Variants in REV1 observed in about 807,000 individuals in gnomAD.
REV1 encodes translesion synthesis protein REV1.
REV1 carries 42 observed loss-of-function variants against 137.4 expected under a neutral mutation model. That is an observed-to-expected ratio of 0.31 (90% CI 0.24 to 0.40). REV1 has a LOEUF of 0.40. Among genes scored for constraint, REV1 ranks in the 10% least tolerant of loss-of-function variants. REV1 has a pLI of 1.00. For synonymous variants in REV1, 524 were observed against 519.2 expected (o/e 1.01, Z -0.12); for missense variants, 1,282 against 1,490.1 (o/e 0.86, Z 2.30).
intron 1 of REV1, among the ~76,000 whole-genome samples, chr2:99,467,585 G>A (rs1002906371): frequency 6.6e-6 from 1 of 152,176 alleles, no homozygotes; most frequent in Non-Finnish European, 1.5e-5. Flanking sequence ...ACTGGGCAAA[G>A]TTTCTGACAA....
intron 22 of REV1, among the ~76,000 whole-genome samples, chr2:99,401,576 G>A (rs548446381): frequency 9.2e-5 from 14 of 151,930 alleles, no homozygotes; most frequent in Admixed American, 7.9e-4. Flanking sequence ...GTAAAACCCC[G>A]TCTCTACAAA....
rs748232021 is a variant in REV1 at position 99,405,917 on chromosome 2, G to A, written c.2804C>T (p.Pro935Leu). Reference sequence around the variant, plus strand: ...AGGACTACAAAAATGTACCTGGGAAGGTGACGGGACCTCTATACTCAGGTT... The same window carrying A: ...AGGACTACAAAAATGTACCTGGGAAAGTGACGGGACCTCTATACTCAGGTT... ...RLNLSIEVPS[P>L]SQLDQSVLEA... is the part of the protein sequence containing the mutation. The change falls in exon 17 of 23, where the codon CCT (proline) becomes CTT (leucine). Residue 935 changes from proline (P) to leucine (L), a missense_variant. Pro to Leu is a moderately conservative substitution (Grantham distance 98). Transcript: ENST00000258428. 6.5e-7 allele frequency: 1 copy of A among 1,533,724 alleles called. No homozygotes were observed. Among genetic ancestry groups the A allele is most frequent in the South Asian group, 1.3e-5 (1 of 77,066 alleles).
chr2:99,462,398 G>A, intron 3 of REV1, 98 bp downstream of exon 3: 2 of 1,112,704 alleles, frequency 1.8e-6, no homozygotes, highest in Middle Eastern at 2.1e-4. Context: ...ACAATCATTT[G>A]TCTATAATAA....
chr2:99,420,035 A>C (rs773772861), intron 11 of REV1, among the ~76,000 whole-genome samples: 2 of 152,200 alleles, frequency 1.3e-5, no homozygotes, highest in Non-Finnish European at 2.9e-5. Flanking sequence ...ACTTAAAAGA[A>C]TGGATTCACA....
At chr2:99,424,114 A>G (rs1000991591) in intron 10 of REV1, 38 bp downstream of exon 10, 1 of 1,600,124 alleles carries the variant, frequency 6.2e-7, no homozygotes, top group Non-Finnish European at 8.5e-7. Context: ...TAAAAGAAGG[A>G]AAACACAGAC....
At chr2:99,482,163 T>A (rs1348085185) in intron 1 of REV1, among the ~76,000 whole-genome samples, 1 of 152,212 alleles carries the variant, frequency 6.6e-6, no homozygotes, top group African/African-American at 2.4e-5. Context: ...ATCATACCTA[T>A]GTAATAAAAG....
intron 4 of REV1, 24 bp from the exon 5 acceptor site, chr2:99,442,493 T>G (rs946627065): frequency 2.5e-6 from 4 of 1,610,156 alleles, no homozygotes; most frequent in African/African-American, 2.7e-5. Context: ...CAACACCAAT[T>G]TAGAGTTCCA....
intron 7 of REV1, among the ~76,000 whole-genome samples, 177 bp from the exon 8 acceptor site, chr2:99,434,625 T>C (rs184032192): frequency 1.8e-4 from 27 of 152,294 alleles, no homozygotes; most frequent in East Asian, 1.5e-3. Flanking sequence ...TAAATGTCAT[T>C]TAAGTTTCTT....
At chr2:99,410,552 C>G in intron 14 of REV1, 143 bp downstream of exon 14, 1 of 708,504 alleles carries the variant, frequency 1.4e-6, no homozygotes, top group Non-Finnish European at 2.2e-6. Flanking sequence ...ATGCCTTGGG[C>G]TGATGCCTGC....
chr2:99,433,070 T>C (rs1359195699), intron 8 of REV1, among the ~76,000 whole-genome samples: 1 of 152,234 alleles, frequency 6.6e-6, no homozygotes, highest in Non-Finnish European at 1.5e-5. Context: ...CATTCTTTAG[T>C]ATTTCATAAA....
At chr2:99,441,745 T>G (rs774900209) in intron 5 of REV1, among the ~76,000 whole-genome samples, 32 of 152,184 alleles carry the variant, frequency 2.1e-4, no homozygotes, top group Non-Finnish European at 4.4e-4. Context: ...ATGAAAAAAC[T>G]TATTAACAAT....
rs1379046170 is a variant in REV1, at chr2:99,402,221, TGATAA to T, written c.3644+18_3644+22del. The T allele has an allele frequency of 2.5e-5, 26 of 1,019,836 alleles. No homozygotes were observed. In the Admixed American group the frequency reaches 6.1e-4, roughly 24 times the overall value. The allele number at this position is 1,019,836 out of a possible 1,614,324, so 63.2% of individuals were successfully genotyped here. ...TTGTGACATGCCATTTTTTCCCATT[TGATAA>T]AAGTGATGAATTACTACCTTTTCAT... On this transcript the variant is annotated intron_variant, in intron 22 of 22. Transcript: ENST00000258428.
At chr2:99,407,077 G>GTTTTTTTTTTTTTTTTTT (rs1293864331) in intron 15 of REV1, 1 of 46,778 alleles carries the variant, frequency 2.1e-5, no homozygotes. Context: ...ACCTACAAAG[G>GTTTTTTTTTTTTTTTTTT]TTCTTTTTTT....
At chr2:99,469,121 T>C (rs958432876) in intron 1 of REV1, among the ~76,000 whole-genome samples, 1 of 152,104 alleles carries the variant, frequency 6.6e-6, no homozygotes, top group Non-Finnish European at 1.5e-5. Flanking sequence ...AGGGTGGATA[T>C]GGTGGGGAGA....
At chr2:99,458,752 A>C (rs1427467486) in intron 3 of REV1, among the ~76,000 whole-genome samples, 1 of 152,248 alleles carries the variant, frequency 6.6e-6, no homozygotes, top group Non-Finnish European at 1.5e-5. Flanking sequence ...TGCTCAGTGA[A>C]AAAAGCCAGC....
intron 1 of REV1, among the ~76,000 whole-genome samples, chr2:99,488,974 G>C (rs1226286887): frequency 6.6e-6 from 1 of 152,240 alleles, no homozygotes; most frequent in Non-Finnish European, 1.5e-5. Context: ...TGGAGATAAA[G>C]AGAATTAGCA....
chr2:99,447,867 C>A (rs540568026), intron 4 of REV1, among the ~76,000 whole-genome samples: 86 of 152,218 alleles, frequency 5.6e-4, no homozygotes, highest in Middle Eastern at 6.8e-3. Context: ...ATTACAGGCA[C>A]AAGCCACCAC....
rs1228070677 is a variant in REV1, at chr2:99,401,129, A to G, written c.*112T>C. The G allele has an allele frequency of 1.7e-6, 1 of 576,556 alleles. No homozygotes were observed. Among genetic ancestry groups the G allele is most frequent in the East Asian group, 2.9e-5 (1 of 34,352 alleles). 35.7% of individuals were successfully genotyped at this position (576,556 alleles called of 1,614,324 possible). On this transcript the variant is annotated 3_prime_UTR_variant, in exon 23 of 23. Transcript: ENST00000258428. ...AAGAAATGTACAAAACACTTGCTTTAAAAGAAATTTAAAATTATAAAAACT... is the reference window on the plus strand; with the variant it reads ...AAGAAATGTACAAAACACTTGCTTTGAAAGAAATTTAAAATTATAAAAACT...
chr2:99,415,475 G>A lies in REV1; in HGVS notation c.1952-2524C>T, dbSNP rs532338234. 9.2e-5 allele frequency among the ~76,000 whole-genome samples: 14 copies of A among 152,294 alleles called. 1 individual carries two copies. Among genetic ancestry groups the A allele is most frequent in the Admixed American group, 9.2e-4 (14 of 15,300 alleles). ...TTGGCTATCCAATACAGACATAGAG[G>A]AGTAAACTTCAAAGAATAAAGTTTT... On this transcript the variant is annotated intron_variant, in intron 12 of 22. Transcript: ENST00000258428.
Sources: gnomAD v4.1 joint callset for allele counts (sites outside exome capture counted in the v4.1 genomes callset) on GRCh38, gnomAD v4.1.1 for gene constraint, MANE v1.5 for transcripts, NCBI Gene and HGNC (gene_info 2026-07-23, HGNC 2026-07-21) for gene names.